Variants in OR10G6 observed in about 807,000 individuals in gnomAD.
OR10G6 encodes the protein olfactory receptor family 10 subfamily G member 6, also known as olfactory receptor 10G6.
At position 123,995,067 on chromosome 11, in the gene OR10G6, T is replaced by C. The variant is rs1863859528; in HGVS notation, c.95A>G (p.His32Arg). Residue 32 changes from histidine (H) to arginine (R), a missense_variant, in exon 1 of 1, where the codon CAC (histidine) becomes CGC (arginine). His to Arg is a conservative substitution (Grantham distance 29, BLOSUM62 0). Transcript: ENST00000307002. ...LQSGNQTSVS[H>R]FILVGLHHPP... Reference sequence around the variant, plus strand: ...GTGGTGCAGGCCCACCAAAATGAAGTGAGACACAGAAGTCTGGTTTCCACT... The same window carrying C: ...GTGGTGCAGGCCCACCAAAATGAAGCGAGACACAGAAGTCTGGTTTCCACT... The C allele has an allele frequency of 5.0e-6, 2 of 398,962 alleles. No homozygotes were observed. The highest frequency in any genetic ancestry group is 8.8e-6 in the Non-Finnish European group (2 of 226,070). 24.7% of individuals were successfully genotyped at this position (398,962 alleles called of 1,614,324 possible). A position where few individuals can be genotyped will look rare whatever the true frequency, so the allele number is the denominator to read the frequency against.
chr11:123,994,673 G>A lies in OR10G6; in HGVS notation c.489C>T (p.Asn163=). 5.0e-6 allele frequency: 2 copies of A among 399,254 alleles called. No homozygotes were observed. Among genetic ancestry groups the A allele is most frequent in the Non-Finnish European group, 8.8e-6 (2 of 226,182 alleles). The allele number at this position is 399,254 out of a possible 1,614,324, so 24.7% of individuals were successfully genotyped here. A position where few individuals can be genotyped will look rare whatever the true frequency, so the allele number is the denominator to read the frequency against. ...CCAGCCAGGTGCCTAAAGCCAGGGAGTTACAGACTCTGTGGGTCATGATGG... is the reference window on the plus strand; with the variant it reads ...CCAGCCAGGTGCCTAAAGCCAGGGAATTACAGACTCTGTGGGTCATGATGG... The part of the protein sequence containing the change: ...YATIMTHRVC[N]SLALGTWLGG... The change falls in exon 1 of 1, where the codon AAC becomes AAT. Residue 163 remains asparagine, a synonymous_variant. Coordinates refer to ENST00000307002, the MANE Select transcript of OR10G6 (RefSeq NM_001355219.1).
In OR10G6 at chr11:123,994,340, C is replaced by T. The variant is rs939600512; in HGVS notation, c.822G>A (p.Val274=). The change falls in exon 1 of 1, where the codon GTG becomes GTA. Residue 274 remains valine (V), a synonymous_variant. Transcript: ENST00000307002. ...GCCGCAGGTAAATGAAGGTGCAGGG[C>T]ACATAGTAAACAATGACAACAGTGA... ...AHLTVVIVYY[V]PCTFIYLRPC... is the part of the protein sequence containing the mutation. 1 of 399,356 alleles carries T rather than the reference C, an allele frequency of 2.5e-6. No individual in the cohort carries two copies. Among genetic ancestry groups the T allele is most frequent in the African/African-American group, 2.1e-5 (1 of 48,752 alleles). The allele number at this position is 399,356 out of a possible 1,614,324, so 24.7% of individuals were successfully genotyped here. A position where few individuals can be genotyped will look rare whatever the true frequency, so the allele number is the denominator to read the frequency against.
In OR10G6 at chr11:123,994,437, A is replaced by G. The variant is rs1294757579; in HGVS notation, c.725T>C (p.Ile242Thr). The G allele has an allele frequency of 5.0e-6, 2 of 399,262 alleles. No individual in the cohort carries two copies. Among genetic ancestry groups the G allele is most frequent in the African/African-American group, 4.1e-5 (2 of 48,654 alleles). The allele number at this position is 399,262 out of a possible 1,614,324, so 24.7% of individuals were successfully genotyped here. ...FMLILTSYGY[I>T]VAAILRIPSA... ...CGGAATTCGCAGGATGGCAGCTACA[A>G]TATAGCCATAGGAAGTGAGGATGAG... The change falls in exon 1 of 1, where the codon ATT (isoleucine) becomes ACT (threonine). Residue 242 changes from isoleucine (I) to threonine (T), a missense_variant. Coordinates refer to ENST00000307002, the MANE Select transcript of OR10G6 (RefSeq NM_001355219.1).
At position 123,994,265 on chromosome 11, in the gene OR10G6, G is replaced by C; in HGVS notation, c.897C>G (p.Val299=). The change falls in exon 1 of 1, where the codon GTC becomes GTG. Residue 299 remains valine (V), a synonymous_variant. Transcript: ENST00000307002. The part of the protein sequence containing the change: ...LDGVVAVFYT[V]ITPLLNSIIY... ...TGATGGAGTTAAGCAAGGGAGTGAT[G>C]ACAGTGTAAAAGACAGCTACCACCC... 2.5e-6 allele frequency: 1 copy of C among 398,908 alleles called. No individual in the cohort carries two copies. The allele number at this position is 398,908 out of a possible 1,614,324, so 24.7% of individuals were successfully genotyped here. A position where few individuals can be genotyped will look rare whatever the true frequency, so the allele number is the denominator to read the frequency against.
rs1304267832 is a variant in OR10G6 at position 123,994,832 on chromosome 11, A to G, written c.330T>C (p.Ser110=). Residue 110 remains serine (S), a synonymous_variant, in exon 1 of 1, where the codon AGT becomes AGC. Coordinates refer to ENST00000307002, the MANE Select transcript of OR10G6 (RefSeq NM_001355219.1). ...PKMLAGFLLG[S]RIISFGGCVI... is the part of the protein sequence containing the mutation. ...CACAGCCCCCAAAGGAGATAATCCT[A>G]CTACCCAAGAGAAAGCCAGCCAGCA... The G allele has an allele frequency of 2.5e-6, 1 of 399,306 alleles. No homozygotes were observed. The highest frequency in any genetic ancestry group is 2.1e-5 in the African/African-American group (1 of 48,636). The allele number at this position is 399,306 out of a possible 1,614,324, so 24.7% of individuals were successfully genotyped here.
chr11:123,994,241 G>A lies in OR10G6; in HGVS notation c.921C>T (p.Ile307=), dbSNP rs17128086. 0.075 allele frequency: 29,947 copies of A among 398,450 alleles called. 1,734 individuals are homozygous for A. Among genetic ancestry groups the A allele is most frequent in the African/African-American group, 0.21 (10,281 of 48,490 alleles). The allele number at this position is 398,450 out of a possible 1,614,324, so 24.7% of individuals were successfully genotyped here. Residue 307 remains isoleucine, a synonymous_variant, in exon 1 of 1, where the codon ATC becomes ATT. Transcript: ENST00000307002. ...YTVITPLLNS[I]IYTLCNKEMK... ...TTTCTTTGTTGCACAGTGTGTAGAT[G>A]ATGGAGTTAAGCAAGGGAGTGATGA...
rs1315510029 is a variant in OR10G6 at position 123,994,798 on chromosome 11, G to A, written c.364C>T (p.Leu122=). The change falls in exon 1 of 1, where the codon CTA becomes TTA. Residue 122 remains leucine (L), a synonymous_variant. Coordinates refer to ENST00000307002, the MANE Select transcript of OR10G6 (RefSeq NM_001355219.1). ...CAGCCCAGGAAATGGAAAGAAAATA[G>A]TTGGATTACACAGCCCCCAAAGGAG... is the stretch of plus-strand genomic sequence containing the variant. ...IISFGGCVIQ[L]FSFHFLGCTE... The A allele has an allele frequency of 7.5e-6, 3 of 399,310 alleles. No individual in the cohort carries two copies. Among genetic ancestry groups the A allele is most frequent in the African/African-American group, 4.1e-5 (2 of 48,608 alleles). 24.7% of individuals were successfully genotyped at this position (399,310 alleles called of 1,614,324 possible).
Position 123,994,784 on chromosome 11 carries a change from A to G in OR10G6, c.378T>C (p.His126=). The change falls in exon 1 of 1, where the codon CAT becomes CAC. Residue 126 remains histidine, a synonymous_variant. Coordinates refer to ENST00000307002, the MANE Select transcript of OR10G6 (RefSeq NM_001355219.1). ...GGAAGCACTCAGTACAGCCCAGGAA[A>G]TGGAAAGAAAATAGTTGGATTACAC... ...GGCVIQLFSF[H]FLGCTECFLY... The G allele has an allele frequency of 2.5e-6, 1 of 399,534 alleles. No individual in the cohort carries two copies. Among genetic ancestry groups the G allele is most frequent in the Non-Finnish European group, 4.4e-6 (1 of 226,238 alleles). The allele number at this position is 399,534 out of a possible 1,614,324, so 24.7% of individuals were successfully genotyped here.
In OR10G6 at chr11:123,994,735, G is replaced by A. The variant is rs760735886; in HGVS notation, c.427C>T (p.Arg143Cys). 5.0e-6 allele frequency: 2 copies of A among 399,138 alleles called. No individual in the cohort carries two copies. Among genetic ancestry groups the A allele is most frequent in the African/African-American group, 2.1e-5 (1 of 48,596 alleles). The allele number at this position is 399,138 out of a possible 1,614,324, so 24.7% of individuals were successfully genotyped here. A position where few individuals can be genotyped will look rare whatever the true frequency, so the allele number is the denominator to read the frequency against. The change falls in exon 1 of 1, where the codon CGT becomes TGT. Residue 143 changes from arginine (R) to cysteine (C), a missense_variant. Arg to Cys is a radical substitution (Grantham distance 180, BLOSUM62 -3). Coordinates refer to ENST00000307002, the MANE Select transcript of OR10G6 (RefSeq NM_001355219.1). The stretch of plus-strand genomic sequence containing the variant: ...AAGGGCTTACAAATGGCAAGGAAAC[G>A]GTCATAAGCCATGAGTGTGTAAAGG... Reference protein sequence around the residue: ...CFLYTLMAYDRFLAICKPLHY... With the variant: ...CFLYTLMAYDCFLAICKPLHY...
rs1863856201 is a variant in OR10G6, at chr11:123,994,636, G to A, written c.526C>T (p.His176Tyr). The A allele has an allele frequency of 2.5e-6, 1 of 399,204 alleles. No individual in the cohort carries two copies. Among genetic ancestry groups the A allele is most frequent in the South Asian group, 1.3e-4 (1 of 7,862 alleles). 24.7% of individuals were successfully genotyped at this position (399,204 alleles called of 1,614,324 possible). A position where few individuals can be genotyped will look rare whatever the true frequency, so the allele number is the denominator to read the frequency against. The change falls in exon 1 of 1, where the codon CAT (histidine) becomes TAT (tyrosine). Residue 176 changes from histidine to tyrosine, a missense_variant. His to Tyr is a moderately conservative substitution (Grantham distance 83). Coordinates refer to ENST00000307002, the MANE Select transcript of OR10G6 (RefSeq NM_001355219.1). Reference sequence around the variant, plus strand: ...ACAAAACTTGTTTGGAAAAGTGAATGGATAGTCCCTCCCAGCCAGGTGCCT... The same window carrying A: ...ACAAAACTTGTTTGGAAAAGTGAATAGATAGTCCCTCCCAGCCAGGTGCCT... ...ALGTWLGGTIHSLFQTSFVFR... is the reference protein window; with the variant it reads ...ALGTWLGGTIYSLFQTSFVFR...
rs1194518591 is a variant in OR10G6, at chr11:123,994,380, G to A, written c.782C>T (p.Thr261Ile). Residue 261 changes from threonine (T) to isoleucine (I), a missense_variant, in exon 1 of 1, where the codon ACT becomes ATT. Coordinates refer to ENST00000307002, the MANE Select transcript of OR10G6 (RefSeq NM_001355219.1). ...GACAACAGTGAGGTGGGCAGCACAA[G>A]TGGAGAAGGCATTGCGGCGCCCATC... is the stretch of plus-strand genomic sequence containing the variant. ...SADGRRNAFS[T>I]CAAHLTVVIV... 8 of 399,280 alleles carry A rather than the reference G, an allele frequency of 2.0e-5. No individual in the cohort carries two copies. Among genetic ancestry groups the A allele is most frequent in the African/African-American group, 8.2e-5 (4 of 48,642 alleles). 24.7% of individuals were successfully genotyped at this position (399,280 alleles called of 1,614,324 possible).
In OR10G6 at chr11:123,994,825, T is replaced by A. The variant is rs1323349125; in HGVS notation, c.337A>T (p.Ile113Phe). 2.5e-6 allele frequency: 1 copy of A among 399,334 alleles called. No individual in the cohort carries two copies. Among genetic ancestry groups the A allele is most frequent in the Non-Finnish European group, 4.4e-6 (1 of 226,226 alleles). The allele number at this position is 399,334 out of a possible 1,614,324, so 24.7% of individuals were successfully genotyped here. A position where few individuals can be genotyped will look rare whatever the true frequency, so the allele number is the denominator to read the frequency against. ...LAGFLLGSRI[I>F]SFGGCVIQLF... is the part of the protein sequence containing the mutation. ...TGGATTACACAGCCCCCAAAGGAGA[T>A]AATCCTACTACCCAAGAGAAAGCCA... Residue 113 changes from isoleucine (I) to phenylalanine (F), a missense_variant, in exon 1 of 1, where the codon ATC becomes TTC. Coordinates refer to ENST00000307002, the MANE Select transcript of OR10G6 (RefSeq NM_001355219.1).
chr11:123,994,465 T>C lies in OR10G6; in HGVS notation c.697A>G (p.Met233Val), dbSNP rs1234747862. 4 of 399,136 alleles carry C rather than the reference T, an allele frequency of 1.0e-5. No homozygotes were observed. Among genetic ancestry groups the C allele is most frequent in the Non-Finnish European group, 1.3e-5 (3 of 226,240 alleles). 24.7% of individuals were successfully genotyped at this position (399,136 alleles called of 1,614,324 possible). ...DIGFLALTCF[M>V]LILTSYGYIV... is the part of the protein sequence containing the mutation. ...TAGCCATAGGAAGTGAGGATGAGCA[T>C]GAAGCAGGTGAGGGCCAGGAAGCCA... The change falls in exon 1 of 1, where the codon ATG becomes GTG. Residue 233 changes from methionine (M) to valine (V), a missense_variant. Physicochemically the swap from Met to Val is conservative, Grantham distance 21. Coordinates refer to ENST00000307002, the MANE Select transcript of OR10G6 (RefSeq NM_001355219.1).
chr11:123,994,518 ATGGCCGTAT>A lies in OR10G6; in HGVS notation c.635_643del (p.Asp212_Ile215delinsVal). 2.5e-6 allele frequency: 1 copy of A among 399,336 alleles called. No homozygotes were observed. The highest frequency in any genetic ancestry group is 3.6e-5 in the East Asian group (1 of 28,078). 24.7% of individuals were successfully genotyped at this position (399,336 alleles called of 1,614,324 possible). ...GTCTGCAAAGGTGACCAGCTCGTTG[ATGGCCGTAT>A]CGGCGCAGGCTAGACGCAGCATGGC... is the stretch of plus-strand genomic sequence containing the variant. On this transcript the variant is annotated inframe_deletion, in exon 1 of 1. Transcript: ENST00000307002.
chr11:123,994,427 G>C lies in OR10G6; in HGVS notation c.735C>G (p.Ala245=). 1 of 399,394 alleles carries C rather than the reference G, an allele frequency of 2.5e-6. No individual in the cohort carries two copies. The highest frequency in any genetic ancestry group is 4.4e-6 in the Non-Finnish European group (1 of 226,226). The allele number at this position is 399,394 out of a possible 1,614,324, so 24.7% of individuals were successfully genotyped here. A position where few individuals can be genotyped will look rare whatever the true frequency, so the allele number is the denominator to read the frequency against. The part of the protein sequence containing the change: ...ILTSYGYIVA[A]ILRIPSADGR... The stretch of plus-strand genomic sequence containing the variant: ...CATCTGCTGACGGAATTCGCAGGAT[G>C]GCAGCTACAATATAGCCATAGGAAG... Residue 245 remains alanine (A), a synonymous_variant, in exon 1 of 1, where the codon GCC becomes GCG. Transcript: ENST00000307002.
At position 123,994,266 on chromosome 11, in the gene OR10G6, A is replaced by C. The variant is rs1863852561; in HGVS notation, c.896T>G (p.Val299Gly). ...GATGGAGTTAAGCAAGGGAGTGATG[A>C]CAGTGTAAAAGACAGCTACCACCCC... Reference protein sequence around the residue: ...LDGVVAVFYTVITPLLNSIIY... With the variant: ...LDGVVAVFYTGITPLLNSIIY... Residue 299 changes from valine (V) to glycine (G), a missense_variant, in exon 1 of 1, where the codon GTC (valine) becomes GGC (glycine). Coordinates refer to ENST00000307002, the MANE Select transcript of OR10G6 (RefSeq NM_001355219.1). 5 of 399,064 alleles carry C rather than the reference A, an allele frequency of 1.3e-5. No individual in the cohort carries two copies. Among genetic ancestry groups the C allele is most frequent in the Middle Eastern group, 6.2e-4 (1 of 1,612 alleles). The allele number at this position is 399,064 out of a possible 1,614,324, so 24.7% of individuals were successfully genotyped here. A position where few individuals can be genotyped will look rare whatever the true frequency, so the allele number is the denominator to read the frequency against.
rs1490609075 is a variant in OR10G6 at position 123,994,454 on chromosome 11, G to A, written c.708C>T (p.Leu236=). The A allele has an allele frequency of 3.3e-5, 13 of 399,274 alleles. No individual in the cohort carries two copies. In the Admixed American group the frequency reaches 4.4e-4, roughly 14 times the overall value. 24.7% of individuals were successfully genotyped at this position (399,274 alleles called of 1,614,324 possible). ...FLALTCFMLI[L]TSYGYIVAAI... ...CAGCTACAATATAGCCATAGGAAGT[G>A]AGGATGAGCATGAAGCAGGTGAGGG... is the stretch of plus-strand genomic sequence containing the variant. The change falls in exon 1 of 1, where the codon CTC becomes CTT. Residue 236 remains leucine (L), a synonymous_variant. Transcript: ENST00000307002.
rs1403460899 is a variant in OR10G6 at position 123,994,829 on chromosome 11, C to T, written c.333G>A (p.Arg111=). 2 of 399,224 alleles carry T rather than the reference C, an allele frequency of 5.0e-6. No homozygotes were observed. The highest frequency in any genetic ancestry group is 7.1e-5 in the East Asian group (2 of 28,090). The allele number at this position is 399,224 out of a possible 1,614,324, so 24.7% of individuals were successfully genotyped here. The part of the protein sequence containing the change: ...KMLAGFLLGS[R]IISFGGCVIQ... ...TTACACAGCCCCCAAAGGAGATAATCCTACTACCCAAGAGAAAGCCAGCCA... is the reference window on the plus strand; with the variant it reads ...TTACACAGCCCCCAAAGGAGATAATTCTACTACCCAAGAGAAAGCCAGCCA... Residue 111 remains arginine, a synonymous_variant, in exon 1 of 1, where the codon AGG becomes AGA. Coordinates refer to ENST00000307002, the MANE Select transcript of OR10G6 (RefSeq NM_001355219.1).
Position 123,994,206 on chromosome 11 carries a change from G to T in OR10G6, c.956C>A (p.Ala319Glu), listed in dbSNP as rs575880451. ...YTLCNKEMKA[A>E]LQRLGGHKEV... is the part of the protein sequence containing the mutation. The stretch of plus-strand genomic sequence containing the variant: ...CTTGTGGCCCCCTAGCCTCTGTAAT[G>T]CTGCCTTCATTTCTTTGTTGCACAG... Residue 319 changes from alanine to glutamate, a missense_variant, in exon 1 of 1, where the codon GCA (alanine) becomes GAA (glutamate). Transcript: ENST00000307002. 6 of 399,158 alleles carry T rather than the reference G, an allele frequency of 1.5e-5. No homozygotes were observed. Among genetic ancestry groups the T allele is most frequent in the African/African-American group, 8.2e-5 (4 of 48,770 alleles). The allele number at this position is 399,158 out of a possible 1,614,324, so 24.7% of individuals were successfully genotyped here.
Sources: gnomAD v4.1 joint callset for allele counts on GRCh38, gnomAD v4.1.1 for gene constraint, MANE v1.5 for transcripts, NCBI Gene and HGNC (gene_info 2026-07-23, HGNC 2026-07-21) for gene names.